PTGR2: variants seen among roughly 807,000 people sequenced by gnomAD.
PTGR2 encodes the protein prostaglandin reductase 2.
In PTGR2, 32 loss-of-function variants were observed where a neutral mutation model predicts 43.4. The ratio of observed to expected loss-of-function variants is 0.74; its 90% confidence interval spans 0.56 to 0.99. The LOEUF (loss-of-function observed/expected upper bound fraction) is 0.99. Among genes scored for constraint, PTGR2 ranks in the 50% least tolerant of loss-of-function variants. PTGR2 has a pLI of 0.00. For missense variants in PTGR2, 373 were observed against 420.0 expected, an observed-to-expected ratio of 0.89 and a Z score of 0.98; for synonymous variants, 106 against 139.2, an observed-to-expected ratio of 0.76 and a Z score of 1.68.
At chr14:73,879,933 T>TAA in intron 6 of PTGR2, 122 bp from the exon 7 acceptor site, 6 of 862,126 alleles carry the variant, frequency 7.0e-6, no homozygotes, top group African/African-American at 5.2e-5. Flanking sequence ...ACAGGTAAAT[T>TAA]AAAAAAAAAA....
At chr14:73,871,048 A>G (rs2054715165) in intron 3 of PTGR2, among the ~76,000 whole-genome samples, 1 of 152,216 alleles carries the variant, frequency 6.6e-6, no homozygotes, top group African/African-American at 2.4e-5. Context: ...GGGGCTGGTT[A>G]CCAAGGCAAC....
intron 3 of PTGR2, among the ~76,000 whole-genome samples, chr14:73,872,263 C>T (rs1307317554): frequency 2.6e-5 from 4 of 152,116 alleles, no homozygotes; most frequent in Admixed American, 2.6e-4. Flanking sequence ...AAATAGGGAG[C>T]GTACTTGGTC....
At position 73,874,167 on chromosome 14, in the gene PTGR2, T is replaced by C; in HGVS notation, c.301T>C (p.Trp101Arg). 1 of 1,614,034 alleles carries C rather than the reference T, an allele frequency of 6.2e-7. No individual in the cohort carries two copies. Among genetic ancestry groups the C allele is most frequent in the Non-Finnish European group, 8.5e-7 (1 of 1,179,986 alleles). The part of the protein sequence containing the change: ...TKGDFVTSFY[W>R]PWQTKVILDG... ...AGGCGATTTTGTGACTTCTTTCTAT[T>C]GGCCCTGGCAAACCAAGGTTATTCT... The change falls in exon 4 of 10, where the codon TGG becomes CGG. Residue 101 changes from tryptophan (W) to arginine (R), a missense_variant. Trp to Arg is a moderately radical substitution (Grantham distance 101, BLOSUM62 -3). Transcript: ENST00000555661.
At chr14:73,883,613 G>C (rs1221527279) in intron 9 of PTGR2, among the ~76,000 whole-genome samples, 1 of 151,910 alleles carries the variant, frequency 6.6e-6, no homozygotes. Flanking sequence ...AGCCCCCCGA[G>C]TAGCTGGGAC....
chr14:73,876,922 A>G (rs529128016), intron 4 of PTGR2, 76 bp from the exon 5 acceptor site: 2 of 1,123,574 alleles, frequency 1.8e-6, no homozygotes, highest in Non-Finnish European at 2.6e-6. Flanking sequence ...AATTCAGTCC[A>G]TAACACGTTG....
In PTGR2 at chr14:73,860,566, AT is replaced by A; in HGVS notation, c.68del (p.Phe23SerfsTer34). The A allele has an allele frequency of 6.3e-7, 1 of 1,582,638 alleles. No individual in the cohort carries two copies. Among genetic ancestry groups the A allele is most frequent in the East Asian group, 2.3e-5 (1 of 44,412 alleles). On this transcript the variant is annotated frameshift_variant, in exon 3 of 10. Transcript: ENST00000555661. LOFTEE classifies it high-confidence loss of function. ...AAAAATGGTAATCCAGTGGCAGAGA[AT>A]TTCCGAATGGAAGAAGTCTATTTAC... ...PGKNGNPVAE[N>X]FRMEEVYLPD...
chr14:73,878,152 A>G (rs28691850), intron 5 of PTGR2: 1 of 152,178 alleles, frequency 6.6e-6, no homozygotes, highest in South Asian at 2.1e-4. Context: ...TAAAAAAACA[A>G]AAAAAGAATC....
At position 73,877,195 on chromosome 14, in the gene PTGR2, T is replaced by C. The variant is rs775455388; in HGVS notation, c.519+27T>C. 5 of 1,576,528 alleles carry C rather than the reference T, an allele frequency of 3.2e-6. No homozygotes were observed. In the South Asian group the frequency reaches 4.5e-5, roughly 14 times the overall value. On this transcript the variant is annotated intron_variant, in intron 5 of 9. Coordinates refer to ENST00000555661, the MANE Select transcript of PTGR2 (RefSeq NM_001146154.2). ...TAAACTTTCTGAGAATTATTTGATT[T>C]TCTGATTATTTGACGATTGTTATAA...
At chr14:73,878,009 G>A (rs2054901652) in intron 5 of PTGR2, 1 of 152,186 alleles carries the variant, frequency 6.6e-6, no homozygotes, top group African/African-American at 2.4e-5. Flanking sequence ...TTAGCCCAGC[G>A]TGGTGGCACG....
chr14:73,854,010 T>C (rs1027550573), intron 1 of PTGR2, among the ~76,000 whole-genome samples: 1 of 152,218 alleles, frequency 6.6e-6, no homozygotes, highest in African/African-American at 2.4e-5. Context: ...TTTAACAATC[T>C]ACCCTTCTTT....
chr14:73,877,276 AT>A (rs150196513), intron 5 of PTGR2, 108 bp downstream of exon 5: 51,760 of 1,076,546 alleles, frequency 0.048, 1,801 homozygotes, highest in African/African-American at 0.14. Flanking sequence ...AATTGGATAA[AT>A]TTTTTTTTTC....
At chr14:73,865,043 C>T (rs994009376) in intron 3 of PTGR2, among the ~76,000 whole-genome samples, 1 of 152,076 alleles carries the variant, frequency 6.6e-6, no homozygotes, top group Non-Finnish European at 1.5e-5. Context: ...CACAAACACA[C>T]ACATAGGCAT....
At chr14:73,872,829 T>C (rs1031355924) in intron 3 of PTGR2, among the ~76,000 whole-genome samples, 4 of 150,418 alleles carry the variant, frequency 2.7e-5, no homozygotes, top group Admixed American at 6.6e-5. Flanking sequence ...ATACAAAAAT[T>C]AGCCGGGTGT....
chr14:73,852,475 TCTC>T (rs774909707), intron 1 of PTGR2, among the ~76,000 whole-genome samples: 1 of 152,078 alleles, frequency 6.6e-6, no homozygotes, highest in Non-Finnish European at 1.5e-5. Context: ...ATGGTCTTGA[TCTC>T]CTGACCTCGT....
chr14:73,855,668 ACTC>A (rs2054328774), intron 1 of PTGR2, among the ~76,000 whole-genome samples: 1 of 150,304 alleles, frequency 6.7e-6, no homozygotes, highest in African/African-American at 2.4e-5. Flanking sequence ...CTGGTTGTGA[ACTC>A]CTGACCTTAA....
At chr14:73,865,320 C>T (rs1490798898) in intron 3 of PTGR2, among the ~76,000 whole-genome samples, 1 of 152,142 alleles carries the variant, frequency 6.6e-6, no homozygotes, top group Non-Finnish European at 1.5e-5. Flanking sequence ...GTTCTTATGT[C>T]AGAGGGCAGG....
intron 8 of PTGR2, 126 bp downstream of exon 8, chr14:73,881,418 G>A: frequency 1.8e-6 from 1 of 566,912 alleles, no homozygotes; most frequent in South Asian, 3.0e-5. Context: ...AAAGTATGCT[G>A]AATATTATAA....
intron 1 of PTGR2, chr14:73,858,011 C>G (rs969869295): frequency 2.6e-5 from 4 of 152,000 alleles, no homozygotes; most frequent in African/African-American, 4.8e-5. Flanking sequence ...ACTGCTAGCT[C>G]TGGAGGAATA....
rs2054799650 is a variant in PTGR2 at position 73,874,112 on chromosome 14, A to G, written c.246A>G (p.Ile82Met). The change falls in exon 4 of 10, where the codon ATA (isoleucine) becomes ATG (methionine). Residue 82 changes from isoleucine to methionine, a missense_variant. Coordinates refer to ENST00000555661, the MANE Select transcript of PTGR2 (RefSeq NM_001146154.2). ...TTGATGGAGGAGGTATTGGAATTAT[A>G]GAAGAAAGCAAACACACAAATTTGA... Reference protein sequence around the residue: ...QVVDGGGIGIIEESKHTNLTK... With the variant: ...QVVDGGGIGIMEESKHTNLTK... The G allele has an allele frequency of 6.2e-7, 1 of 1,614,034 alleles. No homozygotes were observed. The highest frequency in any genetic ancestry group is 2.2e-5 in the East Asian group (1 of 44,864).
Sources: allele counts gnomAD v4.1 joint callset (sites outside exome capture counted in the v4.1 genomes callset), GRCh38; gene constraint gnomAD v4.1.1; transcripts MANE v1.5; gene names NCBI Gene and HGNC (gene_info 2026-07-23, HGNC 2026-07-21).